The following KIF19 variants were observed in gnomAD, a reference collection of about 807,000 sequenced individuals.
KIF19 encodes kinesin family member 19, also known as kinesin-like protein KIF19.
Under a neutral mutation model 106.6 loss-of-function variants are expected in KIF19, and 98 were observed. The observed-to-expected ratio is 0.92, with a 90% CI of 0.78 to 1.09. The LOEUF is 1.09. Ranked by LOEUF, KIF19 falls within the 50% of genes least tolerant of loss-of-function variation. The pLI is 0.00. For synonymous variants in KIF19, 516 were observed against 584.2 expected (o/e 0.88, Z 1.68); for missense variants, 1,373 against 1,414.3 (o/e 0.97, Z 0.47).
At chr17:74,340,552 C>T (rs1354186743) in intron 2 of KIF19, among the ~76,000 whole-genome samples, 3 of 136,134 alleles carry the variant, frequency 2.2e-5, no homozygotes, top group African/African-American at 5.6e-5. Flanking sequence ...GGTATGCGCG[C>T]GCGTACACAC....
At chr17:74,350,638 C>T (rs886980142) in intron 11 of KIF19, 63 bp downstream of exon 11, 252 of 1,609,518 alleles carry the variant, frequency 1.6e-4, no homozygotes, top group Non-Finnish European at 2.0e-4. Context: ...GGAGCACGAC[C>T]TGTGGCTGTA....
rs114421185 is a variant in KIF19 at position 74,338,477 on chromosome 17, C to T, written c.121-3399C>T. ...CCCCCGGTCCATCCTATCTAGAGCCCTCTCCTGTAACTGGCTGACCTGAAA... is the reference window on the plus strand; with the variant it reads ...CCCCCGGTCCATCCTATCTAGAGCCTTCTCCTGTAACTGGCTGACCTGAAA... On this transcript the variant is annotated intron_variant, in intron 2 of 19. Transcript: ENST00000389916. Among the ~76,000 whole-genome samples, 914 of 152,116 alleles carry T rather than the reference C, an allele frequency of 6.0e-3. 11 individuals are homozygous for T. Among genetic ancestry groups the T allele is most frequent in the African/African-American group, 0.021 (893 of 41,556 alleles).
Position 74,354,238 on chromosome 17 carries a change from C to G in KIF19, c.2385C>G (p.Thr795=). 6.2e-7 allele frequency: 1 copy of G among 1,608,546 alleles called. No homozygotes were observed. The highest frequency in any genetic ancestry group is 1.3e-5 in the African/African-American group (1 of 75,042). The change falls in exon 18 of 20, where the codon ACC becomes ACG. Residue 795 remains threonine (T), a synonymous_variant. Transcript: ENST00000389916. The part of the protein sequence containing the change: ...AARRRSRALG[T]EGRHLLAPAT... ...GGCGGCGCTCGCGGGCCCTGGGAAC[C>G]GAGGGGCGACACCTGCTGGCACCCG...
Position 74,354,827 on chromosome 17 carries a change from C to A in KIF19, c.2752C>A (p.Arg918Ser), listed in dbSNP as rs777268675. ...THLLGPHQAERISDHRMPVCR... is the reference protein window; with the variant it reads ...THLLGPHQAESISDHRMPVCR... ...CCTCCTGGGGCCCCATCAGGCGGAGCGCATCTCGGACCACAGGATGCCAGT... is the reference window on the plus strand; with the variant it reads ...CCTCCTGGGGCCCCATCAGGCGGAGAGCATCTCGGACCACAGGATGCCAGT... The change falls in exon 19 of 20, where the codon CGC (arginine) becomes AGC (serine). Residue 918 changes from arginine to serine, a missense_variant. Arg to Ser is a moderately radical substitution (Grantham distance 110, BLOSUM62 -1). This residue lies in a region of KIF19 where 1,020 missense variants were observed against 1,008.2 expected (regional missense o/e 1.01). Coordinates refer to ENST00000389916, the MANE Select transcript of KIF19 (RefSeq NM_153209.4). 1.9e-6 allele frequency: 3 copies of A among 1,560,500 alleles called. No homozygotes were observed. In the South Asian group the frequency reaches 3.6e-5, roughly 18 times the overall value.
intron 9 of KIF19, chr17:74,348,733 T>C (rs1322745812): frequency 5.6e-6 from 1 of 177,468 alleles, no homozygotes; most frequent in Non-Finnish European, 1.2e-5. Context: ...GGTGGCCTGG[T>C]GGGGTCCAGT....
intron 5 of KIF19, among the ~76,000 whole-genome samples, chr17:74,343,459 C>T (rs1424689049): frequency 2.6e-5 from 4 of 152,238 alleles, no homozygotes; most frequent in Admixed American, 6.5e-5. Context: ...CCTGTCTGCC[C>T]TGCCAGGCTG....
At chr17:74,353,345 G>A (rs746986256) in intron 16 of KIF19, 44 bp downstream of exon 16, 28 of 1,510,340 alleles carry the variant, frequency 1.9e-5, no homozygotes, top group Non-Finnish European at 2.5e-5. Context: ...CCACTGCAGC[G>A]GGTGCGGGAC....
intron 12 of KIF19, 64 bp from the exon 13 acceptor site, chr17:74,351,803 C>T (rs1258730732): frequency 1.5e-6 from 2 of 1,361,660 alleles, no homozygotes; most frequent in South Asian, 1.7e-5. Flanking sequence ...GGGTCGAGGA[C>T]GAGCTGGGCA....
chr17:74,347,930 C>T, intron 9 of KIF19, 31 bp downstream of exon 9: 1 of 1,560,968 alleles, frequency 6.4e-7, no homozygotes, highest in Non-Finnish European at 8.7e-7. Flanking sequence ...CACCAGGACA[C>T]ACCTTCCTGG....
At chr17:74,344,159 C>T in intron 5 of KIF19, 64 bp from the exon 6 acceptor site, 27 of 1,502,688 alleles carry the variant, frequency 1.8e-5, no homozygotes, top group Non-Finnish European at 2.4e-5. Context: ...GGGGACTCAG[C>T]CCTGGCCTTG....
intron 2 of KIF19, among the ~76,000 whole-genome samples, chr17:74,336,931 T>C (rs957992841): frequency 3.3e-5 from 5 of 152,294 alleles, no homozygotes; most frequent in Admixed American, 6.5e-5. Context: ...GTTTAAGTGA[T>C]TCTCCTGCCT....
intron 12 of KIF19, among the ~76,000 whole-genome samples, 166 bp from the exon 13 acceptor site, chr17:74,351,701 G>T (rs2054705774): frequency 6.6e-6 from 1 of 152,100 alleles, no homozygotes; most frequent in South Asian, 2.1e-4. Flanking sequence ...GGCCACCTTG[G>T]AGCAGTCCCT....
chr17:74,330,153 T>C (rs2054036361), intron 2 of KIF19, among the ~76,000 whole-genome samples: 2 of 152,238 alleles, frequency 1.3e-5, no homozygotes, highest in African/African-American at 4.8e-5. Context: ...AAGCAGGGGA[T>C]GACTGGGAAG....
intron 2 of KIF19, among the ~76,000 whole-genome samples, chr17:74,333,863 CTT>C (rs368776098): frequency 2.3e-5 from 3 of 132,618 alleles, no homozygotes; most frequent in African/African-American, 8.5e-5. Context: ...CTTTTTTTTT[CTT>C]TTTTTTTTTT....
At chr17:74,332,210 T>TGTTTGTGTGTGTG in intron 2 of KIF19, among the ~76,000 whole-genome samples, 2 of 108,848 alleles carry the variant, frequency 1.8e-5, no homozygotes, top group South Asian at 6.5e-4. Context: ...GTGTGTGTGT[T>TGTTTGTGTGTGTG]TGTGTGTGTG....
intron 18 of KIF19, 34 bp downstream of exon 18, chr17:74,354,593 C>T (rs1005571339): frequency 1.1e-5 from 18 of 1,566,528 alleles, no homozygotes; most frequent in Non-Finnish European, 1.5e-5. Flanking sequence ...TGTCTAGGCA[C>T]TCCCATAGCA....
chr17:74,347,239 C>T (rs2054557990), intron 8 of KIF19, among the ~76,000 whole-genome samples: 1 of 152,086 alleles, frequency 6.6e-6, no homozygotes, highest in African/African-American at 2.4e-5. Context: ...GGACTGCCCC[C>T]TTAAAAAGCA....
rs895247736 is a variant in KIF19, at chr17:74,341,869, C to T, written c.121-7C>T. 6.2e-7 allele frequency: 1 copy of T among 1,611,498 alleles called. No individual in the cohort carries two copies. Among genetic ancestry groups the T allele is most frequent in the African/African-American group, 1.3e-5 (1 of 75,006 alleles). ...TGACCGTGGGCCTCCCTCTGGGGACCTTGCAGATGGTGGTTCTCATGGACC... is the reference window on the plus strand; with the variant it reads ...TGACCGTGGGCCTCCCTCTGGGGACTTTGCAGATGGTGGTTCTCATGGACC... On this transcript the variant is annotated splice_polypyrimidine_tract_variant and splice_region_variant and intron_variant, in intron 2 of 19. Coordinates refer to ENST00000389916, the MANE Select transcript of KIF19 (RefSeq NM_153209.4).
intron 2 of KIF19, among the ~76,000 whole-genome samples, chr17:74,335,318 C>T (rs1362731867): frequency 6.6e-6 from 1 of 152,366 alleles, no homozygotes; most frequent in East Asian, 1.9e-4. Flanking sequence ...AAGCCTGGTC[C>T]GTGCTCAGGC....
Sources: allele counts gnomAD v4.1 joint callset (sites outside exome capture counted in the v4.1 genomes callset), GRCh38; gene constraint gnomAD v4.1.1; regional missense constraint gnomAD v4.1.1; transcripts MANE v1.5; gene names NCBI Gene and HGNC (gene_info 2026-07-23, HGNC 2026-07-21).